The following CLVS1 variants were observed in gnomAD, a reference collection of about 807,000 sequenced individuals.
The protein encoded by CLVS1 is clavesin 1.
CLVS1 carries 10 observed loss-of-function variants against 33.1 expected under a neutral mutation model. That is an observed-to-expected ratio of 0.30 (90% CI 0.19 to 0.51). The LOEUF (loss-of-function observed/expected upper bound fraction) is 0.51. Among genes scored for constraint, CLVS1 ranks in the 20% least tolerant of loss-of-function variants. The pLI, the probability that CLVS1 is intolerant of heterozygous loss-of-function variation, is 0.97. For synonymous variants in CLVS1, 163 were observed against 166.1 expected (o/e 0.98, Z 0.14); for missense variants, 343 against 433.4 (o/e 0.79, Z 1.85).
chr8:61,289,826 T>A (rs16927148), intron 1 of CLVS1, among the ~76,000 whole-genome samples: 1 of 152,216 alleles, frequency 6.6e-6, no homozygotes, highest in African/African-American at 2.4e-5. Flanking sequence ...TGAGAAATAG[T>A]CGCATTGTGT....
At chr8:61,346,634 T>C (rs73682267) in intron 2 of CLVS1, among the ~76,000 whole-genome samples, 2,312 of 152,310 alleles carry the variant, frequency 0.015, 74 homozygotes, top group African/African-American at 0.051. Flanking sequence ...TGCCTCCTTG[T>C]AAACTAGTTT....
intron 2 of CLVS1, among the ~76,000 whole-genome samples, chr8:61,343,880 T>C (rs1296033475): frequency 6.6e-6 from 1 of 152,194 alleles, no homozygotes; most frequent in African/African-American, 2.4e-5. Flanking sequence ...TCATCCTTAA[T>C]CCACTTTAAA....
intron 2 of CLVS1, among the ~76,000 whole-genome samples, chr8:61,154,563 G>A (rs1223587926): frequency 1.3e-5 from 2 of 152,134 alleles, no homozygotes; most frequent in East Asian, 1.9e-4. Flanking sequence ...AGTTTGCCAC[G>A]GACTTGAGAA....
At chr8:61,343,290 C>T (rs1386443413) in intron 2 of CLVS1, among the ~76,000 whole-genome samples, 2 of 152,158 alleles carry the variant, frequency 1.3e-5, no homozygotes, top group African/African-American at 4.8e-5. Flanking sequence ...GGCTGAAGTT[C>T]TAGCTAAGTA....
chr8:61,370,019 CAT>C (rs1359760951), intron 2 of CLVS1, among the ~76,000 whole-genome samples: 8 of 152,240 alleles, frequency 5.3e-5, no homozygotes, highest in East Asian at 1.9e-4. Context: ...GAGAGGAAGA[CAT>C]GTGGTGGGAT....
intron 2 of CLVS1, among the ~76,000 whole-genome samples, chr8:61,136,241 T>C (rs1287595097): frequency 1.3e-5 from 2 of 152,206 alleles, no homozygotes; most frequent in Non-Finnish European, 2.9e-5. Flanking sequence ...TCAGTGGATC[T>C]TGAGGTCAAG....
chr8:61,245,528 A>ATAGAT (rs1436729527), intron 2 of CLVS1, among the ~76,000 whole-genome samples: 3 of 151,974 alleles, frequency 2.0e-5, no homozygotes, highest in Non-Finnish European at 4.4e-5. Context: ...TTATTTTAAC[A>ATAGAT]TTAAATCTGA....
At chr8:61,274,094 T>G (rs1267149115) in intron 2 of CLVS1, 5 of 152,248 alleles carry the variant, frequency 3.3e-5, no homozygotes, top group African/African-American at 7.2e-5. Flanking sequence ...GGCTAATTAT[T>G]CTGGCTAAAA....
At chr8:61,434,364 G>A (rs543805910) in intron 3 of CLVS1, among the ~76,000 whole-genome samples, 7 of 152,258 alleles carry the variant, frequency 4.6e-5, no homozygotes, top group East Asian at 3.9e-4. Context: ...AACAGTGAGC[G>A]CCAACTGTCA....
intron 2 of CLVS1, among the ~76,000 whole-genome samples, chr8:61,178,005 T>G (rs761518980): frequency 1.7e-4 from 26 of 152,078 alleles, no homozygotes; most frequent in Admixed American, 6.6e-4. Context: ...ATGGACGAAT[T>G]GACAGAAGTA....
At chr8:60,993,578 C>T in the CLVS1 span, among the ~76,000 whole-genome samples, 6 of 152,350 alleles carry the variant, frequency 3.9e-5, no homozygotes, top group East Asian at 1.2e-3. Context: ...ACACAGGAAA[C>T]CCTCAGGGGA....
intron 5 of CLVS1, among the ~76,000 whole-genome samples, chr8:61,478,685 G>A (rs1009795392): frequency 1.3e-5 from 2 of 152,050 alleles, no homozygotes; most frequent in African/African-American, 4.8e-5. Flanking sequence ...TCTTCCTCCA[G>A]CCCTTTATTT....
chr8:61,370,836 C>T (rs527308568), intron 2 of CLVS1, among the ~76,000 whole-genome samples: 1 of 152,250 alleles, frequency 6.6e-6, no homozygotes, highest in East Asian at 1.9e-4. Context: ...GCCATTATTT[C>T]ATTCCTTTTT....
At chr8:61,322,030 T>A (rs1811210367) in intron 2 of CLVS1, among the ~76,000 whole-genome samples, 1 of 152,154 alleles carries the variant, frequency 6.6e-6, no homozygotes, top group Non-Finnish European at 1.5e-5. Context: ...TTGTCTTTCT[T>A]TCACCTGTAC....
intron 2 of CLVS1, among the ~76,000 whole-genome samples, chr8:61,161,439 T>C (rs1684895470): frequency 6.6e-6 from 1 of 152,226 alleles, no homozygotes; most frequent in Admixed American, 6.5e-5. Context: ...GATGAATGTA[T>C]GAGGCAAATG....
chr8:61,479,584 G>A (rs1479368487), intron 5 of CLVS1, among the ~76,000 whole-genome samples: 5 of 152,026 alleles, frequency 3.3e-5, no homozygotes, highest in African/African-American at 4.8e-5. Context: ...CTCTCAACTC[G>A]TCAAAGTCAT....
intron 2 of CLVS1, among the ~76,000 whole-genome samples, chr8:61,252,585 A>T (rs1193615017): frequency 2.0e-5 from 3 of 152,128 alleles, no homozygotes; most frequent in Non-Finnish European, 4.4e-5. Context: ...AACTTGCTTT[A>T]TGAATCTGGG....
At chr8:61,053,838 T>A (rs1255798639), upstream of CLVS1, among the ~76,000 whole-genome samples, 3 of 152,214 alleles carry the variant, frequency 2.0e-5, no homozygotes, top group Non-Finnish European at 4.4e-5. Flanking sequence ...GATGCAAATC[T>A]TGGCCACTAG....
chr8:61,186,847 G>C (rs1378063523), intron 2 of CLVS1, among the ~76,000 whole-genome samples: 1 of 152,204 alleles, frequency 6.6e-6, no homozygotes, highest in Non-Finnish European at 1.5e-5. Flanking sequence ...TGACATGTGA[G>C]GAAGGATTTT....
Sources: gnomAD v4.1 joint callset for allele counts (sites outside exome capture counted in the v4.1 genomes callset) on GRCh38, gnomAD v4.1.1 for gene constraint, MANE v1.5 for transcripts, NCBI Gene and HGNC (gene_info 2026-07-23, HGNC 2026-07-21) for gene names.